MACF1: variants seen among roughly 807,000 people sequenced by gnomAD.
MACF1 encodes microtubule actin crosslinking factor 1.
Under a neutral mutation model 854.8 loss-of-function variants are expected in MACF1, and 193 were observed. The observed-to-expected ratio is 0.23, with a 90% CI of 0.20 to 0.25. The LOEUF (loss-of-function observed/expected upper bound fraction) is 0.25, where lower values mean the gene tolerates loss of function less well. Ranked by LOEUF, MACF1 falls within the 10% of genes least tolerant of loss-of-function variation. MACF1 has a pLI of 1.00. For synonymous variants in MACF1, 3,185 were observed against 3,226.7 expected (o/e 0.99, Z 0.44); for missense variants, 7,722 against 8,929.1 (o/e 0.86, Z 5.45).
Position 39,084,974 on chromosome 1 carries a change from G to T in MACF1, c.220+536G>T, listed in dbSNP as rs916631867. On this transcript the variant is annotated intron_variant, in intron 2 of 93. Transcript: ENST00000361689. The surrounding 1 kb of genome is among the most constrained non-coding windows in gnomAD (Gnocchi z 5.2). ...TGGAGAGTACAGTTTTACTTGTATC[G>T]CCTTCCAAAAGTGTTCTACATGCTG... Among the ~76,000 whole-genome samples, 1 of 151,952 alleles carries T rather than the reference G, an allele frequency of 6.6e-6. No individual in the cohort carries two copies. The highest frequency in any genetic ancestry group is 1.5e-5 in the Non-Finnish European group (1 of 68,022).
At chr1:39,217,561 A>G (rs1286760864) in intron 1 of MACF1, among the ~76,000 whole-genome samples, 1 of 152,068 alleles carries the variant, frequency 6.6e-6, no homozygotes, top group African/African-American at 2.4e-5. Flanking sequence ...TTCAAACCTC[A>G]TTGCTTAAAA....
At chr1:39,475,518 C>T (rs1307949401) in intron 97 of MACF1, among the ~76,000 whole-genome samples, 1 of 148,632 alleles carries the variant, frequency 6.7e-6, no homozygotes, top group Non-Finnish European at 1.5e-5. Flanking sequence ...TGAGTGAGGG[C>T]TGGGTGGGTG....
chr1:39,252,607 A>T, intron 4 of MACF1, among the ~76,000 whole-genome samples: 1 of 146,400 alleles, frequency 6.8e-6, no homozygotes, highest in African/African-American at 2.8e-5. Context: ...AGAAACAAGG[A>T]TTAGGCAATA....
intron 99 of MACF1, 84 bp from the exon 100 acceptor site, chr1:39,484,517 G>A: frequency 8.5e-7 from 1 of 1,173,846 alleles, no homozygotes; most frequent in Non-Finnish European, 1.2e-6. Context: ...CAAATATAAG[G>A]AGGTGTAAGG....
At chr1:39,323,610 C>T (rs1646553866) in intron 33 of MACF1, among the ~76,000 whole-genome samples, 2 of 151,982 alleles carry the variant, frequency 1.3e-5, no homozygotes, top group Admixed American at 1.3e-4. Flanking sequence ...ATAACGTTAA[C>T]TTACATAATT....
chr1:39,461,817 AAT>A lies in MACF1; in HGVS notation c.21524-65_21524-64del, dbSNP rs58666378. On this transcript the variant is annotated intron_variant, in intron 92 of 100. Transcript: ENST00000564288. The stretch of plus-strand genomic sequence containing the variant: ...AAAAAAAAAAAAAAAAAAAAAAAAA[AAT>A]CTATAACCGCCAACCGAACAAGTAC... 2.5e-3 allele frequency: 2,504 copies of A among 1,008,092 alleles called. 85 individuals carry two copies. The African/African-American group carries it at 0.04, about 16-fold the overall frequency. 62.4% of individuals were successfully genotyped at this position (1,008,092 alleles called of 1,614,324 possible). A position where few individuals can be genotyped will look rare whatever the true frequency, so the allele number is the denominator to read the frequency against.
Position 39,331,193 on chromosome 1 carries a change from T to C in MACF1, c.4615-10T>C. On this transcript the variant is annotated splice_polypyrimidine_tract_variant and intron_variant, in intron 36 of 100. Coordinates refer to ENST00000564288, the MANE Select transcript of MACF1 (RefSeq NM_001394062.1). ...TTTCCTTTTTTTTTTTTTTTTTTTT[T>C]TTTTTTTAGGAATGCAGAGCAGTTG... The C allele has an allele frequency of 1.0e-6, 1 of 987,568 alleles. No homozygotes were observed. Among genetic ancestry groups the C allele is most frequent in the Non-Finnish European group, 1.3e-6 (1 of 769,772 alleles). 61.2% of individuals were successfully genotyped at this position (987,568 alleles called of 1,614,324 possible).
At chr1:39,249,232 A>G (rs888948868) in intron 2 of MACF1, among the ~76,000 whole-genome samples, 1 of 152,192 alleles carries the variant, frequency 6.6e-6, no homozygotes, top group Non-Finnish European at 1.5e-5. Context: ...GAATGAGATG[A>G]TGGCTGATTA....
At chr1:39,292,150 A>C (rs2148400075) in intron 16 of MACF1, 112 bp downstream of exon 16, 2 of 1,260,326 alleles carry the variant, frequency 1.6e-6, no homozygotes, top group South Asian at 1.6e-5. Flanking sequence ...GAAAAGAATA[A>C]TGATGATGAA....
At chr1:39,233,808 T>TAA (rs1553175713) in intron 2 of MACF1, among the ~76,000 whole-genome samples, 2 of 65,772 alleles carry the variant, frequency 3.0e-5, no homozygotes, top group African/African-American at 8.5e-5. Context: ...ATTTATTTTT[T>TAA]ATTGATAATT....
intron 1 of MACF1, among the ~76,000 whole-genome samples, chr1:39,223,765 C>A (rs543666674): frequency 6.6e-6 from 1 of 152,258 alleles, no homozygotes; most frequent in South Asian, 2.1e-4. Flanking sequence ...GATCTGCCCG[C>A]TTCTGCCTCC....
At chr1:39,115,945 G>A (rs1642532974) in intron 2 of MACF1, among the ~76,000 whole-genome samples, 1 of 152,176 alleles carries the variant, frequency 6.6e-6, no homozygotes, top group African/African-American at 2.4e-5. Context: ...ACTGCTACTG[G>A]AACATTTTCA....
rs983035384 is a variant in MACF1 at position 39,334,533 on chromosome 1, G to T, written c.7945G>T (p.Val2649Leu). 4 of 1,614,096 alleles carry T rather than the reference G, an allele frequency of 2.5e-6. No individual in the cohort carries two copies. In the African/African-American group the frequency reaches 5.3e-5, roughly 22 times the overall value. Residue 2649 changes from valine (V) to leucine (L), a missense_variant, in exon 37 of 101, where the codon GTA becomes TTA. Physicochemically the swap from Val to Leu is conservative, Grantham distance 32 (BLOSUM62 1). Around this residue, in one of 15 missense-constraint regions of MACF1, gnomAD observed 1,531 missense variants for 1,601.6 expected, o/e 0.96. Coordinates refer to ENST00000564288, the MANE Select transcript of MACF1 (RefSeq NM_001394062.1). ...TGAATCTGGACAGAGATATCTAGAA[G>T]TAATTCCCTTCTCAGACATTAAAGA... ...DIESGQRYLE[V>L]IPFSDIKDGV... is the part of the protein sequence containing the mutation.
intron 23 of MACF1, 122 bp downstream of exon 23, chr1:39,303,200 G>A: frequency 2.6e-6 from 3 of 1,147,178 alleles, no homozygotes; most frequent in South Asian, 1.7e-5. Flanking sequence ...TCCTGGGAGA[G>A]GCTTCTCATT....
chr1:39,094,058 G>A (rs1362601043), intron 2 of MACF1, among the ~76,000 whole-genome samples: 3 of 152,092 alleles, frequency 2.0e-5, no homozygotes, highest in South Asian at 2.1e-4. Flanking sequence ...GATTACAGGC[G>A]TGAGCCACGG....
intron 58 of MACF1, among the ~76,000 whole-genome samples, chr1:39,419,261 A>G (rs933541957): frequency 6.6e-6 from 1 of 152,232 alleles, no homozygotes; most frequent in Non-Finnish European, 1.5e-5. Flanking sequence ...GTCCCTGTCA[A>G]TCCATAGAGT....
intron 2 of MACF1, among the ~76,000 whole-genome samples, chr1:39,097,788 GC>G (rs1641972978): frequency 6.6e-6 from 1 of 152,110 alleles, no homozygotes; most frequent in Non-Finnish European, 1.5e-5. Flanking sequence ...CCCCAGGACT[GC>G]CCTGATGCTG....
intron 2 of MACF1, among the ~76,000 whole-genome samples, chr1:39,244,872 C>G (rs1644965188): frequency 6.6e-6 from 1 of 152,200 alleles, no homozygotes; most frequent in Admixed American, 6.5e-5. Context: ...AGCCACCACC[C>G]TGGCCAATTT....
rs746373348 is a variant in MACF1, at chr1:39,434,411, TAGG to T, written c.17566-1_17567del. On this transcript the variant is annotated splice_acceptor_variant and coding_sequence_variant, in exon 69 of 101. Transcript: ENST00000564288. LOFTEE classifies it high-confidence loss of function. ...CTTTTTTTTTTTTTTTTTGCTCACA[TAGG>T]AAAAGACAGAGTCTCTAATACAGCA... 8.3e-7 allele frequency: 1 copy of T among 1,199,906 alleles called. No individual in the cohort carries two copies. Among genetic ancestry groups the T allele is most frequent in the South Asian group, 1.4e-5 (1 of 70,278 alleles). The allele number at this position is 1,199,906 out of a possible 1,614,324, so 74.3% of individuals were successfully genotyped here. A position where few individuals can be genotyped will look rare whatever the true frequency, so the allele number is the denominator to read the frequency against.
Sources: gnomAD v4.1 joint callset for allele counts (sites outside exome capture counted in the v4.1 genomes callset) on GRCh38, gnomAD v4.1.1 for gene constraint, gnomAD v4.1.1 regional missense constraint, Gnocchi (gnomAD v3.1) non-coding constraint, MANE v1.5 for transcripts, NCBI Gene and HGNC (gene_info 2026-07-23, HGNC 2026-07-21) for gene names.